RIMS2: variants seen among roughly 807,000 people sequenced by gnomAD.
The protein encoded by RIMS2 is regulating synaptic membrane exocytosis protein 2.
In RIMS2, 59 loss-of-function variants were observed where a neutral mutation model predicts 174.4. The observed-to-expected ratio is 0.34, with a 90% CI of 0.27 to 0.42. The LOEUF is 0.42. Ranked by LOEUF, RIMS2 falls within the 10% of genes least tolerant of loss-of-function variation. The pLI is 1.00. For synonymous variants in RIMS2, 606 were observed against 572.5 expected, an observed-to-expected ratio of 1.06 and a Z score of -0.84; for missense variants, 1,620 against 1,666.3, an observed-to-expected ratio of 0.97 and a Z score of 0.48.
intron 19 of RIMS2, among the ~76,000 whole-genome samples, chr8:104,150,982 A>T (rs772293648): frequency 9.2e-5 from 14 of 152,346 alleles, no homozygotes; most frequent in Middle Eastern, 3.4e-3. Context: ...TGGGGCTACA[A>T]TAAAGAGGTA....
chr8:103,830,661 A>AT (rs1328983946), intron 3 of RIMS2, among the ~76,000 whole-genome samples: 2 of 152,088 alleles, frequency 1.3e-5, no homozygotes, highest in Non-Finnish European at 2.9e-5. Flanking sequence ...TGTCTCAGTG[A>AT]TTTTTTATCC....
chr8:103,649,970 G>T (rs1311185329), intron 1 of RIMS2, among the ~76,000 whole-genome samples: 1 of 152,114 alleles, frequency 6.6e-6, no homozygotes, highest in Non-Finnish European at 1.5e-5. Flanking sequence ...TACTGGACAG[G>T]TGTTGTGGTC....
intron 2 of RIMS2, among the ~76,000 whole-genome samples, chr8:103,704,737 A>G (rs1206958217): frequency 2.0e-5 from 3 of 151,608 alleles, no homozygotes; most frequent in African/African-American, 7.3e-5. Context: ...TTTCTTGTGT[A>G]TTTTTCAATT....
chr8:104,063,615 C>T (rs2097047522), intron 19 of RIMS2, among the ~76,000 whole-genome samples: 1 of 152,134 alleles, frequency 6.6e-6, no homozygotes, highest in African/African-American at 2.4e-5. Context: ...TCTATAATTG[C>T]AAATTTCTAA....
chr8:103,962,546 GC>G (rs1218427767), intron 15 of RIMS2, among the ~76,000 whole-genome samples: 1 of 152,094 alleles, frequency 6.6e-6, no homozygotes, highest in Non-Finnish European at 1.5e-5. Context: ...ACTATATTTT[GC>G]TACTTTGAAA....
chr8:104,008,311 C>T (rs2095654120), intron 17 of RIMS2, among the ~76,000 whole-genome samples: 1 of 151,632 alleles, frequency 6.6e-6, no homozygotes, highest in Non-Finnish European at 1.5e-5. Context: ...TCTCAGTATT[C>T]TTAAAATTTA....
chr8:104,142,690 A>G (rs1459634315), intron 19 of RIMS2, among the ~76,000 whole-genome samples: 4 of 152,150 alleles, frequency 2.6e-5, no homozygotes, highest in Non-Finnish European at 1.5e-5. Flanking sequence ...AAGACTTAAG[A>G]ACCTTAAACA....
In RIMS2 at chr8:103,607,794, G is replaced by A. The variant is rs369525001; in HGVS notation, c.177-89292G>A. Among the ~76,000 whole-genome samples, 47 of 132,492 alleles carry A rather than the reference G, an allele frequency of 3.5e-4. 1 individual carries two copies. Among genetic ancestry groups the A allele is most frequent in the Non-Finnish European group, 5.0e-4 (31 of 62,152 alleles). The allele number at this position is 132,492 out of a possible 152,430, so 86.9% of individuals were successfully genotyped here. A position where few individuals can be genotyped will look rare whatever the true frequency, so the allele number is the denominator to read the frequency against. On this transcript the variant is annotated intron_variant, in intron 1 of 23. Transcript: ENST00000504942. ...ACCCTTTCTTCCAGTTGATCGCATCGGCTCCTGAGGCTTCTGCATTCTTCA... is the reference window on the plus strand; with the variant it reads ...ACCCTTTCTTCCAGTTGATCGCATCAGCTCCTGAGGCTTCTGCATTCTTCA...
intron 2 of RIMS2, among the ~76,000 whole-genome samples, chr8:103,702,751 T>C (rs1022977322): frequency 1.9e-4 from 29 of 152,130 alleles, no homozygotes; most frequent in Non-Finnish European, 3.8e-4. Flanking sequence ...TCTCTGTTCT[T>C]TTCCCTGGGT....
intron 19 of RIMS2, among the ~76,000 whole-genome samples, chr8:104,211,324 G>A (rs927272409): frequency 9.2e-5 from 14 of 152,248 alleles, no homozygotes; most frequent in African/African-American, 3.4e-4. Context: ...GGATTGCCAG[G>A]AAAGGCCTTA....
chr8:103,883,733 A>T (rs1241265214), intron 3 of RIMS2, among the ~76,000 whole-genome samples: 1 of 151,842 alleles, frequency 6.6e-6, no homozygotes, highest in African/African-American at 2.4e-5. Flanking sequence ...TTTGAAAGGT[A>T]GAGGATATAC....
In RIMS2 at chr8:104,107,922, T is replaced by C. The variant is rs1599033749; in HGVS notation, c.3334+93307T>C. Among the ~76,000 whole-genome samples, 3 of 152,240 alleles carry C rather than the reference T, an allele frequency of 2.0e-5. No individual in the cohort carries two copies. In the Middle Eastern group the frequency reaches 0.01, roughly 518 times the overall value. ...CAGTCTGGGCAACAGAGAGAGATCCTGTCTCAATAAATAATAAATAAATAG... is the reference window on the plus strand; with the variant it reads ...CAGTCTGGGCAACAGAGAGAGATCCCGTCTCAATAAATAATAAATAAATAG... On this transcript the variant is annotated intron_variant, in intron 19 of 23. Transcript: ENST00000504942.
chr8:103,805,494 T>G (rs901211235), intron 3 of RIMS2, among the ~76,000 whole-genome samples: 5 of 152,156 alleles, frequency 3.3e-5, no homozygotes, highest in African/African-American at 1.2e-4. Flanking sequence ...CTAACATCTA[T>G]TATTTGACAC....
At chr8:104,028,264 C>T (rs965710128) in intron 19 of RIMS2, among the ~76,000 whole-genome samples, 1 of 152,030 alleles carries the variant, frequency 6.6e-6, no homozygotes, top group Admixed American at 6.6e-5. Flanking sequence ...AATTACTTTG[C>T]AGATGTATGG....
In RIMS2 at chr8:103,799,413, AC is replaced by A. The variant is rs2098587930; in HGVS notation, c.698+32877del. ...GCTATGTCAAAACTCGTTACTATAA[AC>A]TGTGAGTCAGTGAACATCCTTGTAC... On this transcript the variant is annotated intron_variant, in intron 3 of 23. Coordinates refer to ENST00000504942, the Ensembl canonical transcript of RIMS2. 2.0e-5 allele frequency among the ~76,000 whole-genome samples: 3 copies of A among 152,122 alleles called. No individual in the cohort carries two copies. In the South Asian group the frequency reaches 6.2e-4, roughly 31 times the overall value.
intron 1 of RIMS2, among the ~76,000 whole-genome samples, chr8:103,580,265 C>G (rs2132752889): frequency 6.6e-6 from 1 of 152,090 alleles, no homozygotes; most frequent in South Asian, 2.1e-4. Context: ...GAAACAACAA[C>G]CAACTCTATG....
chr8:103,603,266 C>T (rs1425724779), intron 1 of RIMS2, among the ~76,000 whole-genome samples: 1 of 151,030 alleles, frequency 6.6e-6, no homozygotes, highest in African/African-American at 2.4e-5. Context: ...TTTGTTCTTG[C>T]GATAGTTTAC....
chr8:104,154,491 G>A (rs1445875343), intron 19 of RIMS2, among the ~76,000 whole-genome samples: 2 of 152,134 alleles, frequency 1.3e-5, no homozygotes, highest in African/African-American at 2.4e-5. Flanking sequence ...AGGCACATGC[G>A]ACTAGTGATT....
intron 19 of RIMS2, among the ~76,000 whole-genome samples, chr8:104,058,970 A>G (rs1050226027): frequency 4.2e-4 from 64 of 152,172 alleles, no homozygotes; most frequent in African/African-American, 1.5e-3. Context: ...TGGTTACTGT[A>G]GCCTTGTAGT....
Sources: gnomAD v4.1 joint callset for allele counts (sites outside exome capture counted in the v4.1 genomes callset) on GRCh38, gnomAD v4.1.1 for gene constraint, MANE v1.5 for transcripts, NCBI Gene and HGNC (gene_info 2026-07-23, HGNC 2026-07-21) for gene names.